The following PRLR variants were observed in gnomAD, a reference collection of about 807,000 sequenced individuals.
PRLR encodes the protein hPRL receptor.
A neutral mutation model predicts 40.2 loss-of-function variants in PRLR; 13 were observed. The observed-to-expected ratio is 0.32, with a 90% confidence interval of 0.21 to 0.51. PRLR has a LOEUF of 0.51. PRLR is among the 20% of genes least tolerant of loss of function. The probability of loss-of-function intolerance (pLI) is 0.97; values close to 1 mark genes in which losing one functional copy is unlikely to be tolerated. For missense variants in PRLR, 656 were observed against 747.3 expected, an observed-to-expected ratio of 0.88 and a Z score of 1.42; for synonymous variants, 269 against 278.7, an observed-to-expected ratio of 0.97 and a Z score of 0.35.
chr5:35,094,680 G>A (rs2112490405), intron 2 of PRLR, among the ~76,000 whole-genome samples: 1 of 152,262 alleles, frequency 6.6e-6, no homozygotes, highest in South Asian at 2.1e-4. Flanking sequence ...TTCAGTATTA[G>A]GCATTGTGTT....
chr5:35,215,657 T>G (rs1436127062), intron 1 of PRLR, among the ~76,000 whole-genome samples: 1 of 152,076 alleles, frequency 6.6e-6, no homozygotes, highest in African/African-American at 2.4e-5. Flanking sequence ...CTAGCAAAAG[T>G]TCTCAGTTGC....
chr5:35,196,732 C>T (rs910423131), intron 1 of PRLR, among the ~76,000 whole-genome samples: 2 of 152,204 alleles, frequency 1.3e-5, no homozygotes, highest in Admixed American at 6.5e-5. Flanking sequence ...AGACCTTCCC[C>T]GAAGGAATCG....
In PRLR at chr5:35,061,105, C is replaced by CATATCT. The variant is rs950273606; in HGVS notation, c.*3978_*3983dup. On this transcript the variant is annotated 3_prime_UTR_variant, in exon 10 of 10. Coordinates refer to ENST00000618457, the MANE Select transcript of PRLR (RefSeq NM_000949.7). ...GCTTCTTCTCATCTCTCCATTCATA[C>CATATCT]ATATCTATATCTATATCTATATATA... 2.0e-4 allele frequency: 31 copies of CATATCT among 152,054 alleles called. 1 individual carries two copies. The highest frequency in any genetic ancestry group is 4.1e-4 in the South Asian group (2 of 4,830). The allele number at this position is 152,054 out of a possible 1,614,324, so 9.4% of individuals were successfully genotyped here. A position where few individuals can be genotyped will look rare whatever the true frequency, so the allele number is the denominator to read the frequency against.
intron 1 of PRLR, among the ~76,000 whole-genome samples, chr5:35,125,115 T>C (rs1561320287): frequency 6.6e-6 from 1 of 152,190 alleles, no homozygotes; most frequent in African/African-American, 2.4e-5. Flanking sequence ...GTCTCCTTGA[T>C]TGACCAGCAA....
Position 35,068,869 on chromosome 5 carries a change from A to C in PRLR, c.695T>G (p.Met232Arg), listed in dbSNP as rs1474269000. Residue 232 changes from methionine to arginine, a missense_variant, in exon 8 of 10, where the codon ATG (methionine) becomes AGG (arginine). Physicochemically the swap from Met to Arg is moderately conservative, Grantham distance 91. This residue lies in a region of PRLR where 469 missense variants were observed against 491.5 expected (regional missense o/e 0.95). Coordinates refer to ENST00000618457, the MANE Select transcript of PRLR (RefSeq NM_000949.7). ...AGAGATCCACACGGTTGTATCATTC[A>C]TGGTGAAGTCTAAAAAACAAACAGC... ...TFIQIPSDFT[M>R]NDTTVWISVA... The C allele has an allele frequency of 3.1e-6, 5 of 1,610,714 alleles. No individual in the cohort carries two copies. The highest frequency in any genetic ancestry group is 4.2e-6 in the Non-Finnish European group (5 of 1,177,052).
chr5:35,088,794 T>C (rs1003712296), intron 3 of PRLR, among the ~76,000 whole-genome samples: 2 of 151,800 alleles, frequency 1.3e-5, no homozygotes, highest in Admixed American at 6.6e-5. Flanking sequence ...TATACACAGG[T>C]GCATACTCAT....
chr5:35,072,631 A>C lies in PRLR; in HGVS notation c.487T>G (p.Trp163Gly). ...PPTLIDLKTG[W>G]FTLLYEIRLK... ...CGAATTTCATACAGGAGCGTGAACC[A>C]ACCAGTTTTTAAGTCAATCAGGGTA... is the stretch of plus-strand genomic sequence containing the variant. The change falls in exon 6 of 10, where the codon TGG (tryptophan) becomes GGG (glycine). Residue 163 changes from tryptophan to glycine, a missense_variant. By Grantham distance (184) the Trp-to-Gly change is radical. Around this residue, in one of 3 missense-constraint regions of PRLR, gnomAD observed 180 missense variants for 236.8 expected, o/e 0.76. Transcript: ENST00000618457. 1.2e-6 allele frequency: 2 copies of C among 1,614,126 alleles called. No homozygotes were observed.
intron 5 of PRLR, among the ~76,000 whole-genome samples, chr5:35,079,841 T>C (rs1336198946): frequency 2.0e-5 from 3 of 152,050 alleles, no homozygotes; most frequent in African/African-American, 7.2e-5. Flanking sequence ...AAAACAGAGA[T>C]ACAGACCAAT....
At chr5:35,087,622 A>G (rs37386) in intron 3 of PRLR, among the ~76,000 whole-genome samples, 39,073 of 151,894 alleles carry the variant, frequency 0.26, 8,930 homozygotes, top group African/African-American at 0.62. Context: ...GTTCTGAGCA[A>G]CCACTGTTAT....
intron 2 of PRLR, among the ~76,000 whole-genome samples, chr5:35,090,525 G>A (rs1026846697): frequency 2.6e-5 from 4 of 152,256 alleles, no homozygotes; most frequent in Non-Finnish European, 4.4e-5. Flanking sequence ...AATGAACTAA[G>A]TGTAAATTCT....
intron 5 of PRLR, among the ~76,000 whole-genome samples, chr5:35,076,270 C>T (rs1252204304): frequency 6.6e-6 from 1 of 152,142 alleles, no homozygotes; most frequent in Non-Finnish European, 1.5e-5. Context: ...GATGTTTGAA[C>T]CCATCACAAA....
chr5:35,217,642 G>A (rs1289923991), intron 1 of PRLR, among the ~76,000 whole-genome samples: 3 of 152,160 alleles, frequency 2.0e-5, no homozygotes, highest in Non-Finnish European at 4.4e-5. Flanking sequence ...AAGGCTGGAG[G>A]ACAGGAGAGG....
chr5:35,205,727 C>T (rs115997210), intron 1 of PRLR, among the ~76,000 whole-genome samples: 129 of 152,186 alleles, frequency 8.5e-4, no homozygotes, highest in African/African-American at 3.0e-3. Context: ...ATTTTGCCTC[C>T]AGGAGAATAG....
chr5:35,067,977 A>T (rs1206953322), intron 9 of PRLR, among the ~76,000 whole-genome samples: 1 of 152,220 alleles, frequency 6.6e-6, no homozygotes, highest in Non-Finnish European at 1.5e-5. Flanking sequence ...ATAAATCAAT[A>T]AATGTGTTTC....
chr5:35,156,096 ATGT>A (rs1774491074), intron 1 of PRLR, among the ~76,000 whole-genome samples: 2 of 149,002 alleles, frequency 1.3e-5, no homozygotes, highest in African/African-American at 5.1e-5. Context: ...GTAATTTAAA[ATGT>A]TGTCTCCATC....
At chr5:35,094,629 C>T (rs1228266194) in intron 2 of PRLR, among the ~76,000 whole-genome samples, 2 of 152,136 alleles carry the variant, frequency 1.3e-5, no homozygotes, top group Non-Finnish European at 1.5e-5. Flanking sequence ...CAAAAAGTCT[C>T]ATTTCTTGCA....
chr5:35,140,966 A>T lies in PRLR; in HGVS notation c.-105-22844T>A, dbSNP rs565352996. Among the ~76,000 whole-genome samples the T allele has an allele frequency of 7.2e-5, 11 of 152,284 alleles. No homozygotes were observed. The South Asian group carries it at 2.1e-3, about 29-fold the overall frequency. ...CTCCTACATCTAGGGGTGGCCTATGACATAGTTCTGGCCAATAAGATTTAA... is the reference window on the plus strand; with the variant it reads ...CTCCTACATCTAGGGGTGGCCTATGTCATAGTTCTGGCCAATAAGATTTAA... On this transcript the variant is annotated intron_variant, in intron 1 of 9. Transcript: ENST00000618457.
At chr5:35,096,327 G>C (rs1387999992) in intron 2 of PRLR, among the ~76,000 whole-genome samples, 1 of 152,138 alleles carries the variant, frequency 6.6e-6, no homozygotes, top group Admixed American at 6.5e-5. Context: ...TTATCCCAAG[G>C]AGGCTTGTTT....
chr5:35,197,427 CT>C (rs1296397313), intron 1 of PRLR, among the ~76,000 whole-genome samples: 1 of 152,230 alleles, frequency 6.6e-6, no homozygotes, highest in Non-Finnish European at 1.5e-5. Context: ...GGGGTTCCCC[CT>C]GGGAAGTTTC....
Sources: gnomAD v4.1 joint callset for allele counts (sites outside exome capture counted in the v4.1 genomes callset) on GRCh38, gnomAD v4.1.1 for gene constraint, gnomAD v4.1.1 regional missense constraint, MANE v1.5 for transcripts, NCBI Gene and HGNC (gene_info 2026-07-23, HGNC 2026-07-21) for gene names.